HEATR4: variants seen among roughly 807,000 people sequenced by gnomAD.
HEATR4 encodes HEAT repeat-containing protein 4.
In HEATR4, 95 loss-of-function variants were observed where a neutral mutation model predicts 108.8. The observed-to-expected ratio is 0.87, with a 90% CI of 0.74 to 1.04. The LOEUF is 1.04. Ranked by LOEUF, HEATR4 falls within the 50% of genes least tolerant of loss-of-function variation. The pLI is 0.00. For missense variants in HEATR4, 1,152 were observed against 1,253.8 expected (o/e 0.92, Z 1.23); for synonymous variants, 443 against 459.4 (o/e 0.96, Z 0.46).
chr14:73,559,505 G>A (rs1391185655), upstream of HEATR4, among the ~76,000 whole-genome samples: 10 of 151,462 alleles, frequency 6.6e-5, no homozygotes, highest in South Asian at 2.1e-4. Flanking sequence ...CTGAGGTGGC[G>A]GATCACCTGA....
chr14:73,524,320 T>TAC (rs1888196261), intron 2 of HEATR4, among the ~76,000 whole-genome samples: 1 of 126,250 alleles, frequency 7.9e-6, no homozygotes, highest in Non-Finnish European at 1.6e-5. Context: ...AATATATATA[T>TAC]ATATATATAT....
intron 8 of HEATR4, among the ~76,000 whole-genome samples, chr14:73,508,742 ACT>A (rs1228362059): frequency 3.5e-5 from 4 of 113,594 alleles, no homozygotes; most frequent in South Asian, 3.3e-4. Flanking sequence ...CGAGAGTGAA[ACT>A]CTGTCTCAAA....
the HEATR4 span, among the ~76,000 whole-genome samples, chr14:73,632,563 G>A: frequency 6.6e-6 from 1 of 151,762 alleles, no homozygotes; most frequent in Admixed American, 6.6e-5. Context: ...AATATACTTG[G>A]CTGGGGGCAG....
At chr14:73,507,827 T>C (rs11159021) in intron 9 of HEATR4, among the ~76,000 whole-genome samples, 63,922 of 151,886 alleles carry the variant, frequency 0.42, 14,144 homozygotes, top group African/African-American at 0.53. Context: ...ACTGCAACCT[T>C]CACCTCCCAG....
At chr14:73,588,071 G>C in the HEATR4 span, among the ~76,000 whole-genome samples, 1 of 150,832 alleles carries the variant, frequency 6.6e-6, no homozygotes, top group Non-Finnish European at 1.5e-5. Flanking sequence ...GCACAATCTC[G>C]GCTCACTGCA....
the HEATR4 span, among the ~76,000 whole-genome samples, chr14:73,584,875 G>C: frequency 6.6e-6 from 1 of 150,976 alleles, no homozygotes; most frequent in African/African-American, 2.4e-5. Context: ...ATTTAGACCA[G>C]TGCATCCCAC....
chr14:73,614,676 GGCTGAGGTT>G, the HEATR4 span, among the ~76,000 whole-genome samples: 2 of 151,142 alleles, frequency 1.3e-5, no homozygotes, highest in African/African-American at 2.4e-5. Flanking sequence ...GAACCCGGGA[GGCTGAGGTT>G]GCAGTGAGCC....
At chr14:73,592,751 G>A in the HEATR4 span, among the ~76,000 whole-genome samples, 1 of 152,180 alleles carries the variant, frequency 6.6e-6, no homozygotes, top group South Asian at 2.1e-4. Flanking sequence ...CACTCGGGAG[G>A]CTGAGGCACG....
rs1174706498 is a variant in HEATR4 at position 73,509,850 on chromosome 14, ATATATATATATATATATATTTATT to A, written c.1559-401_1559-378del. 2.4e-3 allele frequency among the ~76,000 whole-genome samples: 151 copies of A among 62,488 alleles called. 5 individuals are homozygous for A. The highest frequency in any genetic ancestry group is 3.5e-3 in the Non-Finnish European group (109 of 31,234). 41.0% of individuals were successfully genotyped at this position (62,488 alleles called of 152,430 possible). ...TATATATATATATATATATATATAT[ATATATATATATATATATATTTATT>A]TATTTTATATATTTTTTGAGACGGA... On this transcript the variant is annotated intron_variant, in intron 7 of 17. Coordinates refer to ENST00000553558, the MANE Select transcript of HEATR4 (RefSeq NM_001220484.1).
chr14:73,581,242 A>T, the HEATR4 span: 1 of 151,670 alleles, frequency 6.6e-6, no homozygotes, highest in African/African-American at 2.4e-5. Context: ...TATTGCTCAC[A>T]GTTTTGGAAG....
the HEATR4 span, among the ~76,000 whole-genome samples, chr14:73,589,834 T>C: frequency 6.6e-6 from 1 of 151,736 alleles, no homozygotes; most frequent in African/African-American, 2.4e-5. Flanking sequence ...GCTCAGAGTT[T>C]GTTCCTTCTG....
intron 17 of HEATR4, among the ~76,000 whole-genome samples, chr14:73,481,732 C>T (rs1885267481): frequency 1.3e-5 from 2 of 152,012 alleles, no homozygotes; most frequent in Non-Finnish European, 1.5e-5. Flanking sequence ...GTAGTCCCAG[C>T]TACTCGGGAG....
At chr14:73,539,040 T>C (rs993396589) in intron 1 of HEATR4, among the ~76,000 whole-genome samples, 1 of 115,882 alleles carries the variant, frequency 8.6e-6, no homozygotes, top group African/African-American at 2.8e-5. Context: ...TTCTTATTTA[T>C]GTATGGACCA....
chr14:73,485,133 C>T (rs1017666175), intron 17 of HEATR4, among the ~76,000 whole-genome samples: 10 of 151,792 alleles, frequency 6.6e-5, no homozygotes, highest in African/African-American at 2.2e-4. Context: ...CACTGCACTC[C>T]AGCCTGGGTG....
intron 1 of HEATR4, among the ~76,000 whole-genome samples, chr14:73,556,924 T>G (rs1250997613): frequency 8.9e-6 from 1 of 112,104 alleles, no homozygotes; most frequent in Non-Finnish European, 1.9e-5. Flanking sequence ...AAAGAGAGGG[T>G]GCTTAGAGAA....
At chr14:73,612,042 CTCTT>C in the HEATR4 span, among the ~76,000 whole-genome samples, 2 of 150,610 alleles carry the variant, frequency 1.3e-5, no homozygotes, top group Non-Finnish European at 3.0e-5. Context: ...TAGTCATTAA[CTCTT>C]TTTTTTTTTT....
At chr14:73,486,741 C>A (rs1258981439) in intron 17 of HEATR4, among the ~76,000 whole-genome samples, 1 of 152,026 alleles carries the variant, frequency 6.6e-6, no homozygotes, top group Non-Finnish European at 1.5e-5. Context: ...ATATATCACC[C>A]TTCCTTCCCA....
At chr14:73,624,418 C>T in the HEATR4 span, among the ~76,000 whole-genome samples, 18 of 152,188 alleles carry the variant, frequency 1.2e-4, no homozygotes, top group East Asian at 3.9e-4. Context: ...CATGAGCCAA[C>T]GCGCCCCGCC....
the HEATR4 span, chr14:73,595,424 G>A: frequency 1.4e-5 from 22 of 1,614,182 alleles, 1 homozygote; most frequent in South Asian, 2.3e-4. Context: ...ACAGGCCCAT[G>A]GAAAGGAAAA....
Sources: gnomAD v4.1 joint callset for allele counts (sites outside exome capture counted in the v4.1 genomes callset) on GRCh38, gnomAD v4.1.1 for gene constraint, MANE v1.5 for transcripts, NCBI Gene and HGNC (gene_info 2026-07-23, HGNC 2026-07-21) for gene names.